The following IL12B variants were observed in gnomAD, a reference collection of about 807,000 sequenced individuals.
IL12B encodes the protein interleukin-12 subunit beta.
In IL12B, 27 loss-of-function variants were observed where a neutral mutation model predicts 39.2. The observed-to-expected ratio is 0.69, with a 90% CI of 0.51 to 0.95. The LOEUF (loss-of-function observed/expected upper bound fraction) is 0.95, where lower values mean the gene tolerates loss of function less well. IL12B is among the 40% of genes least tolerant of loss of function. IL12B has a pLI of 0.00. For missense variants in IL12B, 351 were observed against 397.6 expected (o/e 0.88, Z 1.00); for synonymous variants, 142 against 152.1 (o/e 0.93, Z 0.49).
chr5:159,326,576 C>G (rs1356393218), intron 2 of IL12B, 119 bp downstream of exon 2: 1 of 717,342 alleles, frequency 1.4e-6, no homozygotes, highest in Non-Finnish European at 2.5e-6. Context: ...AGAGTGATGG[C>G]TTTCTCTAGA....
At chr5:159,327,380 G>C (rs1754208693) in intron 1 of IL12B, among the ~76,000 whole-genome samples, 2 of 152,342 alleles carry the variant, frequency 1.3e-5, no homozygotes, top group South Asian at 2.1e-4. Flanking sequence ...AGAACTGAAG[G>C]ACTTGGGTTA....
intron 3 of IL12B, 55 bp downstream of exon 3, chr5:159,322,999 T>C: frequency 6.4e-7 from 1 of 1,555,642 alleles, no homozygotes; most frequent in Non-Finnish European, 8.9e-7. Context: ...TGTTGTTGTT[T>C]TTAACTCTTA....
chr5:159,329,861 T>C (rs951807264), intron 1 of IL12B, among the ~76,000 whole-genome samples: 1 of 152,162 alleles, frequency 6.6e-6, no homozygotes, highest in Admixed American at 6.5e-5. Context: ...GAAGCAATAA[T>C]AGCTTTTCAT....
chr5:159,326,991 G>T (rs1409703270), intron 1 of IL12B, among the ~76,000 whole-genome samples: 1 of 152,002 alleles, frequency 6.6e-6, no homozygotes, highest in African/African-American at 2.4e-5. Flanking sequence ...GAGTTCTATG[G>T]CAGTCTGTGG....
At chr5:159,327,090 T>C (rs1754203749) in intron 1 of IL12B, among the ~76,000 whole-genome samples, 1 of 152,144 alleles carries the variant, frequency 6.6e-6, no homozygotes, top group Admixed American at 6.5e-5. Context: ...TACAATCCTC[T>C]TATTTTTAAG....
At chr5:159,320,669 T>A (rs1754071797) in intron 4 of IL12B, 149 bp from the exon 5 acceptor site, 3 of 692,342 alleles carry the variant, frequency 4.3e-6, no homozygotes, top group Non-Finnish European at 7.7e-6. Context: ...GGTAAGAAAC[T>A]GCCCTCCCCA....
In IL12B at chr5:159,316,825, G is replaced by A; in HGVS notation, c.856-9C>T. The A allele has an allele frequency of 6.2e-7, 1 of 1,613,882 alleles. No homozygotes were observed. The highest frequency in any genetic ancestry group is 8.5e-7 in the Non-Finnish European group (1 of 1,179,992). ...GTGAAGACTCTATCTTTCTGCAAAA[G>A]AGAAGGAAAGCTGTGAAGACCCCTT... is the stretch of plus-strand genomic sequence containing the variant. On this transcript the variant is annotated splice_polypyrimidine_tract_variant and intron_variant, in intron 6 of 7. Transcript: ENST00000231228.
At position 159,320,437 on chromosome 5, in the gene IL12B, T is replaced by TACTC; in HGVS notation, c.562_565dup (p.Tyr189Ter). On this transcript the variant is annotated stop_gained and frameshift_variant, in exon 5 of 8. Coordinates refer to ENST00000231228, the MANE Select transcript of IL12B (RefSeq NM_002187.3). LOFTEE classifies it high-confidence loss of function. ...ACTGTCCTCCTGGCACTCCACTGAG[T>TACTC]ACTCATACTCCTTGTTGTCCCCTCT... The TACTC allele has an allele frequency of 6.2e-7, 1 of 1,614,096 alleles. No individual in the cohort carries two copies. The highest frequency in any genetic ancestry group is 8.5e-7 in the Non-Finnish European group (1 of 1,179,964).
Position 159,323,036 on chromosome 5 carries a change from C to G in IL12B, c.364+18G>C, listed in dbSNP as rs780137626. 1 of 1,612,014 alleles carries G rather than the reference C, an allele frequency of 6.2e-7. No homozygotes were observed. Among genetic ancestry groups the G allele is most frequent in the East Asian group, 2.2e-5 (1 of 44,880 alleles). On this transcript the variant is annotated intron_variant, in intron 3 of 7. Transcript: ENST00000231228. The stretch of plus-strand genomic sequence containing the variant: ...GAGCGAAAGAGAAAATTGATACTAT[C>G]CAAGGGTATAGAATTACCTTTCTGG...
At chr5:159,326,601 G>A in intron 2 of IL12B, 94 bp downstream of exon 2, 1 of 846,206 alleles carries the variant, frequency 1.2e-6, no homozygotes, top group Non-Finnish European at 2.1e-6. Context: ...CCAGTGCATG[G>A]TTGCCCATTT....
At chr5:159,327,440 C>G (rs1562115149) in intron 1 of IL12B, among the ~76,000 whole-genome samples, 2 of 152,328 alleles carry the variant, frequency 1.3e-5, no homozygotes, top group East Asian at 1.9e-4. Context: ...TGGCAACGAC[C>G]TGGTCACCAG....
At chr5:159,317,148 A>G (rs970852501) in intron 6 of IL12B, among the ~76,000 whole-genome samples, 1 of 152,232 alleles carries the variant, frequency 6.6e-6, no homozygotes, top group Non-Finnish European at 1.5e-5. Flanking sequence ...TGCTCTAGCC[A>G]TCCCTGAGAT....
At chr5:159,329,408 G>A (rs184489359) in intron 1 of IL12B, among the ~76,000 whole-genome samples, 48 of 152,222 alleles carry the variant, frequency 3.2e-4, no homozygotes, top group African/African-American at 9.6e-4. Context: ...CATAATTCAC[G>A]TGAAGTGTCA....
intron 6 of IL12B, chr5:159,317,903 G>A (rs1244221577): frequency 1.3e-5 from 2 of 152,288 alleles, no homozygotes; most frequent in African/African-American, 4.8e-5. Context: ...GGAGTGGTTA[G>A]GTGCATGGCC....
intron 2 of IL12B, 30 bp downstream of exon 2, chr5:159,326,665 C>T: frequency 6.6e-7 from 1 of 1,504,828 alleles, no homozygotes; most frequent in Non-Finnish European, 9.3e-7. Flanking sequence ...GAAGTGGGGC[C>T]TCCACAGAGA....
intron 5 of IL12B, among the ~76,000 whole-genome samples, chr5:159,319,448 T>C (rs939007542): frequency 7.2e-5 from 11 of 152,230 alleles, no homozygotes; most frequent in Non-Finnish European, 1.5e-5. Flanking sequence ...TTCCAGCCAC[T>C]GGACTGTGCA....
chr5:159,324,367 T>A (rs577755208), intron 2 of IL12B, among the ~76,000 whole-genome samples: 5 of 152,240 alleles, frequency 3.3e-5, no homozygotes, highest in African/African-American at 1.2e-4. Context: ...TTCATTTTTT[T>A]AATCCATGCA....
intron 5 of IL12B, among the ~76,000 whole-genome samples, 155 bp downstream of exon 5, chr5:159,320,151 T>C (rs1443112041): frequency 6.6e-6 from 1 of 152,200 alleles, no homozygotes; most frequent in African/African-American, 2.4e-5. Context: ...TTCCTTAAAA[T>C]GCAGATAACA....
At chr5:159,322,996 G>A (rs1435451714) in intron 3 of IL12B, 58 bp downstream of exon 3, 1 of 1,534,050 alleles carries the variant, frequency 6.5e-7, no homozygotes, top group Non-Finnish European at 9.0e-7. Context: ...TGTTGTTGTT[G>A]TTTTTAACTC....
Sources: gnomAD v4.1 joint callset for allele counts (sites outside exome capture counted in the v4.1 genomes callset) on GRCh38, gnomAD v4.1.1 for gene constraint, MANE v1.5 for transcripts, NCBI Gene and HGNC (gene_info 2026-07-23, HGNC 2026-07-21) for gene names.